Variants in SAGE1 observed in about 807,000 individuals in gnomAD.
The protein encoded by SAGE1 is cancer/testis antigen 14.
A neutral mutation model predicts 55.4 loss-of-function variants in SAGE1; 55 were observed. The observed-to-expected ratio is 0.99, with a 90% CI of 0.80 to 1.24. The LOEUF is 1.24. Among genes scored for constraint, SAGE1 ranks in the 50% most tolerant of loss-of-function variants. The pLI is 0.00. For synonymous variants in SAGE1, 240 were observed against 244.3 expected (o/e 0.98, Z 0.17); for missense variants, 710 against 704.4 (o/e 1.01, Z -0.09).
At position 135,908,174 on chromosome X, in the gene SAGE1, A is replaced by G; in HGVS notation, c.1245A>G (p.Pro415=). ...TPDNVLSAVT[P]ELINLAGAGI... is the part of the protein sequence containing the mutation. ...ATAACGTCTTGTCAGCTGTTACACC[A>G]GAGCTTATTAACTTGGCAGGAGCTG... Residue 415 remains proline (P), a synonymous_variant, in exon 11 of 20, where the codon CCA becomes CCG. Transcript: ENST00000370709. The G allele has an allele frequency of 1.7e-6, 2 of 1,208,299 alleles. No homozygotes were observed.
chrX:135,912,510 T>C (rs1332806358), intron 19 of SAGE1, 96 bp downstream of exon 19: 8 of 1,175,487 alleles, frequency 6.8e-6, no homozygotes, highest in Non-Finnish European at 9.1e-6. Context: ...TCCTAATCCC[T>C]GGCCCTCAAT....
intron 2 of SAGE1, among the ~76,000 whole-genome samples, chrX:135,897,152 G>T (rs1348101610): frequency 2.7e-5 from 3 of 111,976 alleles, no homozygotes; most frequent in Non-Finnish European, 5.6e-5. Flanking sequence ...AGTATTCCTC[G>T]TGGAATATGA....
chrX:135,897,698 C>A (rs782173439), intron 2 of SAGE1, among the ~76,000 whole-genome samples: 3 of 111,718 alleles, frequency 2.7e-5, no homozygotes, highest in Non-Finnish European at 5.6e-5. Context: ...TCCTGGGGTA[C>A]ATGTGCAGGA....
Position 135,912,043 on chromosome X carries a change from T to C in SAGE1, c.2521+90T>C, listed in dbSNP as rs1397691291. 1.9e-5 allele frequency: 22 copies of C among 1,141,112 alleles called. No individual in the cohort carries two copies. The South Asian group carries it at 4.4e-4, about 23-fold the overall frequency. 94.0% of individuals were successfully genotyped at this position (1,141,112 alleles called of 1,213,427 possible). On this transcript the variant is annotated intron_variant, in intron 18 of 19. Transcript: ENST00000370709. ...AGAATTGAGCTGCCTCTTGAGCTCA[T>C]TGTTTGGCTGAATTGGATCTATATA...
At chrX:135,907,088 A>G (rs376793837) in intron 8 of SAGE1, 22 bp downstream of exon 8, 99 of 1,193,567 alleles carry the variant, frequency 8.3e-5, no homozygotes, top group Non-Finnish European at 1.1e-4. Flanking sequence ...TGTTAATTGG[A>G]TTATCCTGCT....
At chrX:135,900,040 C>T (rs1556595576) in intron 2 of SAGE1, among the ~76,000 whole-genome samples, 1 of 110,693 alleles carries the variant, frequency 9.0e-6, no homozygotes, top group Non-Finnish European at 1.9e-5. Context: ...GTTGAATAGG[C>T]GAGGTGAGGG....
intron 2 of SAGE1, among the ~76,000 whole-genome samples, chrX:135,897,917 C>A (rs1556594607): frequency 8.9e-6 from 1 of 112,287 alleles, no homozygotes; most frequent in African/African-American, 3.2e-5. Context: ...TAAGTGAGAA[C>A]ACGTGCTGTT....
chrX:135,909,856 G>A, intron 14 of SAGE1, 77 bp downstream of exon 14: 1 of 1,035,542 alleles, frequency 9.7e-7, no homozygotes, highest in Non-Finnish European at 1.3e-6. Flanking sequence ...GGAGAAGGTG[G>A]TTTTGTTGTA....
chrX:135,905,992 C>T, intron 5 of SAGE1, 32 bp from the exon 6 acceptor site: 1 of 1,170,916 alleles, frequency 8.5e-7, no homozygotes, highest in Non-Finnish European at 1.2e-6. Flanking sequence ...ATGCACTTAC[C>T]TCACAGCTTG....
At chrX:135,899,904 G>A (rs1405248626) in intron 2 of SAGE1, among the ~76,000 whole-genome samples, 1 of 110,671 alleles carries the variant, frequency 9.0e-6, no homozygotes, top group Non-Finnish European at 1.9e-5. Flanking sequence ...CTGAGACAAC[G>A]GGATTTTCTA....
intron 6 of SAGE1, 75 bp downstream of exon 6, chrX:135,906,239 G>C: frequency 9.0e-7 from 1 of 1,108,330 alleles, no homozygotes; most frequent in Non-Finnish European, 1.2e-6. Context: ...GGAGTTAGGT[G>C]GTTTTGTTGT....
rs1556604967 is a variant in SAGE1, at chrX:135,909,733, T to G, written c.1677T>G (p.Thr559=). Reference sequence around the variant, plus strand: ...TGTCAACTGTTCTACCAGGACTTACTTATTTGACAGTAGCTGGTATTCCGG... The same window carrying G: ...TGTCAACTGTTCTACCAGGACTTACGTATTTGACAGTAGCTGGTATTCCGG... ...YDLSTVLPGL[T]YLTVAGIPAM... Residue 559 remains threonine, a synonymous_variant, in exon 14 of 20, where the codon ACT becomes ACG. Coordinates refer to ENST00000370709, the MANE Select transcript of SAGE1 (RefSeq NM_001381902.1). The G allele has an allele frequency of 4.1e-6, 5 of 1,204,867 alleles. No individual in the cohort carries two copies. Among genetic ancestry groups the G allele is most frequent in the Non-Finnish European group, 5.6e-6 (5 of 891,037 alleles).
intron 2 of SAGE1, among the ~76,000 whole-genome samples, chrX:135,900,376 G>T (rs181798104): frequency 9.0e-6 from 1 of 111,573 alleles, no homozygotes; most frequent in African/African-American, 3.3e-5. Context: ...TTTTTGATGT[G>T]CTGCTGGATT....
At chrX:135,900,038 G>A (rs2088647610) in intron 2 of SAGE1, among the ~76,000 whole-genome samples, 1 of 110,935 alleles carries the variant, frequency 9.0e-6, no homozygotes, top group Admixed American at 9.7e-5. Flanking sequence ...ATGTTGAATA[G>A]GCGAGGTGAG....
intron 16 of SAGE1, among the ~76,000 whole-genome samples, chrX:135,910,829 G>A (rs1480123114): frequency 9.0e-6 from 1 of 110,983 alleles, no homozygotes; most frequent in Admixed American, 9.7e-5. Context: ...CACCATGTCC[G>A]TGGAGAGAAG....
intron 3 of SAGE1, among the ~76,000 whole-genome samples, chrX:135,902,081 C>T (rs782777882): frequency 3.7e-4 from 41 of 111,996 alleles, no homozygotes; most frequent in African/African-American, 1.2e-3. Flanking sequence ...CTTGGGTCCC[C>T]AGACACCTGG....
In SAGE1 at chrX:135,912,393, T is replaced by A. The variant is rs1569521869; in HGVS notation, c.2594T>A (p.Phe865Tyr). Reference sequence around the variant, plus strand: ...AAAGTCAAGAGACAATTTGTTGAATTTACCATCAAGGAAGCAGCAAGGTGA... The same window carrying A: ...AAAGTCAAGAGACAATTTGTTGAATATACCATCAAGGAAGCAGCAAGGTGA... Reference protein sequence around the residue: ...SMKVKRQFVEFTIKEAARFKK... With the variant: ...SMKVKRQFVEYTIKEAARFKK... The change falls in exon 19 of 20, where the codon TTT (phenylalanine) becomes TAT (tyrosine). Residue 865 changes from phenylalanine (F) to tyrosine (Y), a missense_variant. Phe to Tyr is a conservative substitution (Grantham distance 22). Coordinates refer to ENST00000370709, the MANE Select transcript of SAGE1 (RefSeq NM_001381902.1). 6.6e-6 allele frequency: 8 copies of A among 1,204,525 alleles called. No homozygotes were observed. The South Asian group carries it at 1.4e-4, about 22-fold the overall frequency.
intron 2 of SAGE1, among the ~76,000 whole-genome samples, chrX:135,899,628 T>C (rs1455063265): frequency 2.7e-5 from 3 of 112,143 alleles, no homozygotes; most frequent in African/African-American, 9.7e-5. Context: ...TCCATGAGCA[T>C]GGAATGTTTT....
rs782578022 is a variant in SAGE1, at chrX:135,909,024, G to T, written c.1582+20G>T. 3 of 1,184,015 alleles carry T rather than the reference G, an allele frequency of 2.5e-6. No individual in the cohort carries two copies. The highest frequency in any genetic ancestry group is 3.4e-6 in the Non-Finnish European group (3 of 874,422). On this transcript the variant is annotated intron_variant, in intron 13 of 19. Coordinates refer to ENST00000370709, the MANE Select transcript of SAGE1 (RefSeq NM_001381902.1). ...ATCTGTGTATGTCTGTTAATTAGTT[G>T]TACTGTCATACTTGGTTTACATATG...
Sources: gnomAD v4.1 joint callset for allele counts (sites outside exome capture counted in the v4.1 genomes callset) on GRCh38, gnomAD v4.1.1 for gene constraint, MANE v1.5 for transcripts, NCBI Gene and HGNC (gene_info 2026-07-23, HGNC 2026-07-21) for gene names.